The following TDRD12 variants were observed in gnomAD, a reference collection of about 807,000 sequenced individuals.
TDRD12 encodes the protein tudor domain containing 12.
A neutral mutation model predicts 133.5 loss-of-function variants in TDRD12; 158 were observed. The observed-to-expected ratio is 1.18, with a 90% CI of 1.04 to 1.35. The LOEUF (loss-of-function observed/expected upper bound fraction) is 1.35. Ranked by LOEUF, TDRD12 falls within the 40% of genes most tolerant of loss-of-function variation. The pLI is 0.00. For synonymous variants in TDRD12, 460 were observed against 477.9 expected (o/e 0.96, Z 0.49); for missense variants, 1,443 against 1,321.3 (o/e 1.09, Z -1.43).
At chr19:32,722,983 C>T (rs548409187) in intron 1 of TDRD12, among the ~76,000 whole-genome samples, 54 of 151,946 alleles carry the variant, frequency 3.6e-4, no homozygotes, top group Non-Finnish European at 7.1e-4. Context: ...CCTGGCCCCC[C>T]CATGTAACCT....
At chr19:32,744,354 G>C (rs1969525480) in intron 4 of TDRD12, among the ~76,000 whole-genome samples, 1 of 151,738 alleles carries the variant, frequency 6.6e-6, no homozygotes. Flanking sequence ...ACAAAAATTA[G>C]CCAGGCGCAG....
intron 4 of TDRD12, among the ~76,000 whole-genome samples, chr19:32,744,503 A>T (rs539607329): frequency 5.8e-4 from 80 of 138,518 alleles, no homozygotes; most frequent in African/African-American, 2.2e-3. Flanking sequence ...CCGTCTCAAA[A>T]AAAAAAAAAA....
intron 11 of TDRD12, among the ~76,000 whole-genome samples, chr19:32,781,932 T>C (rs1970778799): frequency 6.6e-6 from 1 of 151,712 alleles, no homozygotes; most frequent in Admixed American, 6.6e-5. Flanking sequence ...ATGTTGAACC[T>C]CCTGAATTGG....
At chr19:32,787,378 A>T (rs1392158101) in intron 11 of TDRD12, among the ~76,000 whole-genome samples, 1 of 152,206 alleles carries the variant, frequency 6.6e-6, no homozygotes, top group Non-Finnish European at 1.5e-5. Flanking sequence ...CACATGAGTC[A>T]GAGACCCACT....
intron 1 of TDRD12, among the ~76,000 whole-genome samples, chr19:32,727,784 G>A (rs888225395): frequency 6.6e-5 from 10 of 152,048 alleles, no homozygotes; most frequent in African/African-American, 7.2e-5. Context: ...TTCTCTTGGC[G>A]TAGCCTCCTG....
At chr19:32,719,974 G>C (rs1271706525) in exon 1 of TDRD12, 13 of 1,434,290 alleles carry the variant, frequency 9.1e-6, no homozygotes, top group Non-Finnish European at 1.0e-5. Context: ...GAACGCACTC[G>C]CGGCGGGGGC....
At chr19:32,729,778 C>CTTTTTTTTTTTTTTTTTTT (rs1162347194) in intron 1 of TDRD12, among the ~76,000 whole-genome samples, 1 of 73,660 alleles carries the variant, frequency 1.4e-5, no homozygotes, top group Non-Finnish European at 2.4e-5. Flanking sequence ...TTTTCTTTTT[C>CTTTTTTTTTTTTTTTTTTT]TTTTTTTTTT....
At chr19:32,741,714 C>A (rs1434285752) in intron 3 of TDRD12, among the ~76,000 whole-genome samples, 1 of 152,074 alleles carries the variant, frequency 6.6e-6, no homozygotes, top group Non-Finnish European at 1.5e-5. Context: ...ATAATAGGAA[C>A]CCTGGAAAGA....
chr19:32,803,030 G>A lies in TDRD12; in HGVS notation c.2440G>A (p.Ala814Thr), dbSNP rs533524214. The A allele has an allele frequency of 9.1e-6, 14 of 1,536,004 alleles. No homozygotes were observed. The East Asian group carries it at 2.0e-4, about 21-fold the overall frequency. Residue 814 changes from alanine (A) to threonine (T), a missense_variant, in exon 21 of 28, where the codon GCC (alanine) becomes ACC (threonine). Ala to Thr is a moderately conservative substitution (Grantham distance 58, BLOSUM62 0). Transcript: ENST00000444215. ...CCTGCGCTACTTGGAGCGAGCGGAC[G>A]CCAAGGTCCCCGCAGAGCTGTACGA...
intron 4 of TDRD12, among the ~76,000 whole-genome samples, chr19:32,743,132 T>G (rs1450571613): frequency 6.6e-6 from 1 of 152,208 alleles, no homozygotes; most frequent in East Asian, 1.9e-4. Flanking sequence ...AAGTAATAAA[T>G]TAACTGTAAA....
intron 11 of TDRD12, among the ~76,000 whole-genome samples, chr19:32,778,574 AC>A (rs2059267875): frequency 6.6e-6 from 1 of 152,138 alleles, no homozygotes; most frequent in Admixed American, 6.6e-5. Flanking sequence ...ATCTTGGCTC[AC>A]TGCAACCTCC....
chr19:32,827,372 C>CTTTTTTTTTTTTTTTTTTTTTTTT (rs549327733), exon 10 of TDRD12: 1 of 119,008 alleles, frequency 8.4e-6, no homozygotes, highest in African/African-American at 7.0e-5. Context: ...CTTTTCTTTT[C>CTTTTTTTTTTTTTTTTTTTTTTTT]TTTTTTTTTT....
chr19:32,787,619 A>G (rs1035898337), intron 11 of TDRD12, among the ~76,000 whole-genome samples: 9 of 152,190 alleles, frequency 5.9e-5, no homozygotes. Flanking sequence ...CACTGTGAGC[A>G]TAGAACCGCC....
chr19:32,779,011 T>G (rs1970687589), intron 11 of TDRD12, among the ~76,000 whole-genome samples: 1 of 152,192 alleles, frequency 6.6e-6, no homozygotes, highest in African/African-American at 2.4e-5. Flanking sequence ...GATGACCTGG[T>G]GATCCTGGGA....
chr19:32,728,103 A>G (rs187406634), intron 1 of TDRD12, among the ~76,000 whole-genome samples: 2 of 152,250 alleles, frequency 1.3e-5, no homozygotes, highest in Admixed American at 6.5e-5. Flanking sequence ...TGGACTCTCT[A>G]TTCTACTCTG....
chr19:32,807,882 T>C (rs1020457591), intron 22 of TDRD12, among the ~76,000 whole-genome samples: 23 of 152,200 alleles, frequency 1.5e-4, no homozygotes, highest in African/African-American at 4.8e-4. Context: ...TTAAGGATTT[T>C]TTTTTCAATT....
chr19:32,750,400 A>G (rs564440308), intron 6 of TDRD12, among the ~76,000 whole-genome samples: 1 of 152,214 alleles, frequency 6.6e-6, no homozygotes, highest in Non-Finnish European at 1.5e-5. Flanking sequence ...AGGGCTGCTC[A>G]GAGCCCATGG....
chr19:32,769,895 C>A (rs939809200), intron 8 of TDRD12, among the ~76,000 whole-genome samples: 2 of 152,274 alleles, frequency 1.3e-5, no homozygotes, highest in South Asian at 4.1e-4. Context: ...CTCAGCCTCC[C>A]AAAGTGTTGG....
intron 16 of TDRD12, among the ~76,000 whole-genome samples, chr19:32,799,644 C>T (rs1055387202): frequency 6.7e-6 from 1 of 149,162 alleles, no homozygotes. Context: ...CAAGATATTG[C>T]TTATGCTTTA....
Sources: allele counts gnomAD v4.1 joint callset (sites outside exome capture counted in the v4.1 genomes callset), GRCh38; gene constraint gnomAD v4.1.1; transcripts MANE v1.5; gene names NCBI Gene and HGNC (gene_info 2026-07-23, HGNC 2026-07-21).